The following TRIM7 variants were observed in gnomAD, a reference collection of about 807,000 sequenced individuals.
The protein encoded by TRIM7 is E3 ubiquitin-protein ligase TRIM7.
Under a neutral mutation model 37.9 loss-of-function variants are expected in TRIM7, and 32 were observed. That is an observed-to-expected ratio of 0.84 (90% CI 0.64 to 1.13). TRIM7 has a LOEUF of 1.13. TRIM7 is among the 50% of genes most tolerant of loss of function. TRIM7 has a pLI of 0.00. For synonymous variants in TRIM7, 351 were observed against 321.3 expected (o/e 1.09, Z -0.99); for missense variants, 732 against 714.0 (o/e 1.03, Z -0.29).
In TRIM7 at chr5:181,198,046, G is replaced by A. The variant is rs116158967; in HGVS notation, c.1024+137C>T. ...TGGGGAGGGGGTGGTGTGGGGGAGG[G>A]GACAGAGGAACAGGGTTGCTGAGGT... On this transcript the variant is annotated intron_variant, in intron 6 of 6. Coordinates refer to ENST00000274773, the MANE Select transcript of TRIM7 (RefSeq NM_203293.3). 3.9e-3 allele frequency: 3,203 copies of A among 822,530 alleles called. 60 individuals carry two copies. The African/African-American group carries it at 0.046, about 12-fold the overall frequency. 51.0% of individuals were successfully genotyped at this position (822,530 alleles called of 1,614,324 possible). A position where few individuals can be genotyped will look rare whatever the true frequency, so the allele number is the denominator to read the frequency against.
At chr5:181,196,877 G>A (rs925037642) in intron 6 of TRIM7, 7 of 152,198 alleles carry the variant, frequency 4.6e-5, no homozygotes, top group African/African-American at 1.7e-4. Context: ...AAAAAGTTAA[G>A]GCCAGGTGTA....
intron 2 of TRIM7, chr5:181,203,287 C>T (rs1452047030): frequency 6.1e-6 from 8 of 1,304,084 alleles, no homozygotes; most frequent in Non-Finnish European, 7.8e-6. Context: ...AGTGACTGAG[C>T]GTCCTGATTC....
At position 181,199,113 on chromosome 5, in the gene TRIM7, A is replaced by C. The variant is rs143052397; in HGVS notation, c.854T>G (p.Phe285Cys). 233 of 1,614,216 alleles carry C rather than the reference A, an allele frequency of 1.4e-4. No individual in the cohort carries two copies. In the African/African-American group the frequency reaches 2.6e-3, roughly 18 times the overall value. ...CACTCACCTGCTCAGCGTGCTTTTG[A>C]ATTCCTGGAAGGAAAGATAGAGGAA... ...QKPDLDFLQE[F>C]KSTLSRCSNV... Residue 285 changes from phenylalanine to cysteine, a missense_variant, in exon 4 of 7, where the codon TTC becomes TGC. Coordinates refer to ENST00000274773, the MANE Select transcript of TRIM7 (RefSeq NM_203293.3).
chr5:181,199,226 T>C, intron 3 of TRIM7, 109 bp from the exon 4 acceptor site: 1 of 1,321,526 alleles, frequency 7.6e-7, no homozygotes, highest in Non-Finnish European at 1.1e-6. Flanking sequence ...CATAAGCAAG[T>C]GTGCCACGCC....
chr5:181,204,526 G>T (rs1004515266), intron 1 of TRIM7, 63 bp downstream of exon 1: 55 of 1,304,940 alleles, frequency 4.2e-5, no homozygotes, highest in African/African-American at 1.3e-4. Flanking sequence ...CCCCGTGCGC[G>T]GGAGCGCGGG....
At chr5:181,200,738 A>G (rs1299304272) in intron 2 of TRIM7, 5 of 988,698 alleles carry the variant, frequency 5.1e-6, no homozygotes, top group Non-Finnish European at 6.0e-6. Context: ...TCGAGTTTTC[A>G]GATGCAGACT....
At chr5:181,198,288 T>G in intron 5 of TRIM7, 70 bp from the exon 6 acceptor site, 3 of 1,489,724 alleles carry the variant, frequency 2.0e-6, no homozygotes, top group Non-Finnish European at 2.8e-6. Context: ...TCACCAGCTC[T>G]TTATATCCCA....
chr5:181,203,195 C>G lies in TRIM7; in HGVS notation c.618+350G>C, dbSNP rs1052147660. On this transcript the variant is annotated intron_variant, in intron 2 of 6. Coordinates refer to ENST00000274773, the MANE Select transcript of TRIM7 (RefSeq NM_203293.3). Reference sequence around the variant, plus strand: ...ATTAATATTCCCACTTATTGAATATCCATGTTTCTCTGCAGAAATAGTAAT... The same window carrying G: ...ATTAATATTCCCACTTATTGAATATGCATGTTTCTCTGCAGAAATAGTAAT... 7.1e-5 allele frequency: 63 copies of G among 890,712 alleles called. 2 individuals carry two copies. In the South Asian group the frequency reaches 1.4e-3, roughly 19 times the overall value. 55.2% of individuals were successfully genotyped at this position (890,712 alleles called of 1,614,324 possible).
At chr5:181,204,250 C>T (rs1757684299) in intron 1 of TRIM7, 1 of 1,069,914 alleles carries the variant, frequency 9.3e-7, no homozygotes, top group Non-Finnish European at 1.1e-6. Context: ...CGGAGACTTC[C>T]CGCGGGCAGA....
chr5:181,195,300 C>G lies in TRIM7; in HGVS notation c.1402G>C (p.Glu468Gln). 6.2e-7 allele frequency: 1 copy of G among 1,602,290 alleles called. No individual in the cohort carries two copies. The highest frequency in any genetic ancestry group is 8.5e-7 in the Non-Finnish European group (1 of 1,174,902). Residue 468 changes from glutamate (E) to glutamine (Q), a missense_variant, in exon 7 of 7, where the codon GAG becomes CAG. Transcript: ENST00000274773. ...LSRVRVALDLEVGAVSFYAVE... is the reference protein window; with the variant it reads ...LSRVRVALDLQVGAVSFYAVE... ...GCGTAGAAGGACACGGCTCCCACCT[C>G]CAGGTCCAGGGCCACCCGCACGCGC...
chr5:181,195,549 G>A lies in TRIM7; in HGVS notation c.1153C>T (p.Arg385Cys), dbSNP rs749285913. The A allele has an allele frequency of 1.9e-6, 3 of 1,611,666 alleles. No individual in the cohort carries two copies. Among genetic ancestry groups the A allele is most frequent in the Non-Finnish European group, 2.5e-6 (3 of 1,178,654 alleles). ...GAGAAGCCGCAGGACGCCAGGACGC[G>A]GGTGTTGGTGTCGAAGCGGCAGGGG... ...NHPCRFDTNT[R>C]VLASCGFSSG... is the part of the protein sequence containing the mutation. The change falls in exon 7 of 7, where the codon CGC becomes TGC. Residue 385 changes from arginine to cysteine, a missense_variant. Physicochemically the swap from Arg to Cys is radical, Grantham distance 180. Coordinates refer to ENST00000274773, the MANE Select transcript of TRIM7 (RefSeq NM_203293.3).
At chr5:181,199,470 C>T (rs886649461) in intron 3 of TRIM7, 21 of 483,828 alleles carry the variant, frequency 4.3e-5, no homozygotes, top group African/African-American at 1.2e-4. Flanking sequence ...ACCTACTGCT[C>T]ACTCAGCCCC....
chr5:181,203,727 A>C, intron 1 of TRIM7, 87 bp from the exon 2 acceptor site: 1 of 1,527,488 alleles, frequency 6.5e-7, no homozygotes, highest in Non-Finnish European at 8.7e-7. Context: ...GCCAGGAGAA[A>C]GGGAAGGCCC....
chr5:181,195,409 G>A lies in TRIM7; in HGVS notation c.1293C>T (p.Gly431=), dbSNP rs748060623. 2 of 1,592,886 alleles carry A rather than the reference G, an allele frequency of 1.3e-6. No individual in the cohort carries two copies. The highest frequency in any genetic ancestry group is 2.3e-5 in the East Asian group (1 of 43,514). ...KGLTPFTPEE[G]VWALQLNGGQ... is the part of the protein sequence containing the mutation. ...CGCCGTTGAGCTGCAGGGCCCAGAC[G>A]CCCTCCTCGGGAGTGAAGGGCGTCA... The change falls in exon 7 of 7, where the codon GGC becomes GGT. Residue 431 remains glycine (G), a synonymous_variant. Coordinates refer to ENST00000274773, the MANE Select transcript of TRIM7 (RefSeq NM_203293.3).
At chr5:181,203,914 C>G (rs957573666) in intron 1 of TRIM7, 74 of 1,188,196 alleles carry the variant, frequency 6.2e-5, no homozygotes, top group Non-Finnish European at 7.5e-5. Flanking sequence ...CTCCGCCCCC[C>G]CACCAGGAAG....
Position 181,195,255 on chromosome 5 carries a change from G to A in TRIM7, c.1447C>T (p.Leu483Phe), listed in dbSNP as rs141420106. 4.3e-6 allele frequency: 7 copies of A among 1,612,046 alleles called. No individual in the cohort carries two copies. Among genetic ancestry groups the A allele is most frequent in the South Asian group, 1.1e-5 (1 of 90,816 alleles). ...SFYAVEDMRH[L>F]YTFRVNFQER... ...TGGAAGTTGACGCGGAAGGTGTAGA[G>A]GTGGCGCATGTCCTCCACAGCGTAG... Residue 483 changes from leucine (L) to phenylalanine (F), a missense_variant, in exon 7 of 7, where the codon CTC becomes TTC. Transcript: ENST00000274773.
chr5:181,203,352 C>CT, intron 2 of TRIM7, 193 bp downstream of exon 2: 1 of 1,406,892 alleles, frequency 7.1e-7, no homozygotes, highest in Non-Finnish European at 9.2e-7. Flanking sequence ...TTTAGCACTG[C>CT]TTTTCACTTT....
In TRIM7 at chr5:181,204,817, T is replaced by C. The variant is rs2545112; in HGVS notation, c.294A>G (p.Ala98=). 0.31 allele frequency: 429,690 copies of C among 1,375,344 alleles called. 76,109 individuals are homozygous for C. Among genetic ancestry groups the C allele is most frequent in the African/African-American group, 0.76 (49,506 of 65,232 alleles). The allele number at this position is 1,375,344 out of a possible 1,614,324, so 85.2% of individuals were successfully genotyped here. A position where few individuals can be genotyped will look rare whatever the true frequency, so the allele number is the denominator to read the frequency against. ...TGAAGCGCCGCAGGAGCGTGGCCAC[T>C]GCCGCCAGCTGCCGGTTGGGCCGCA... is the stretch of plus-strand genomic sequence containing the variant. The part of the protein sequence containing the change: ...SQLRPNRQLA[A]VATLLRRFSL... Residue 98 remains alanine (A), a synonymous_variant, in exon 1 of 7, where the codon GCA becomes GCG. Coordinates refer to ENST00000274773, the MANE Select transcript of TRIM7 (RefSeq NM_203293.3).
rs756137955 is a variant in TRIM7, at chr5:181,199,990, C to T, written c.710G>A (p.Arg237His). 4.3e-6 allele frequency: 7 copies of T among 1,614,152 alleles called. No homozygotes were observed. The highest frequency in any genetic ancestry group is 3.3e-5 in the Admixed American group (2 of 60,014). The stretch of plus-strand genomic sequence containing the variant: ...CACCTCCCGGGACAGTTCCTCCAGG[C>T]GGCCTAGCAGCCGACCCTCCTGCTC... ...LVEQEGRLLG[R>H]LEELSREVAQ... The change falls in exon 3 of 7, where the codon CGC (arginine) becomes CAC (histidine). Residue 237 changes from arginine to histidine, a missense_variant. Coordinates refer to ENST00000274773, the MANE Select transcript of TRIM7 (RefSeq NM_203293.3).
Sources: gnomAD v4.1 joint callset for allele counts on GRCh38, gnomAD v4.1.1 for gene constraint, MANE v1.5 for transcripts, NCBI Gene and HGNC (gene_info 2026-07-23, HGNC 2026-07-21) for gene names.